XNDC1N: variants seen among roughly 807,000 people sequenced by gnomAD.
XNDC1N encodes the protein protein XNDC1N.
the XNDC1N span, among the ~76,000 whole-genome samples, chr11:71,908,050 A>G: frequency 6.6e-6 from 1 of 150,986 alleles, no homozygotes; most frequent in Admixed American, 6.6e-5. Context: ...ACTGCGATAT[A>G]GAACGTAATA....
the XNDC1N span, among the ~76,000 whole-genome samples, chr11:71,905,720 C>A: frequency 6.6e-6 from 1 of 151,806 alleles, no homozygotes; most frequent in Non-Finnish European, 1.5e-5. Context: ...ACAGGGTGTA[C>A]CCTCTGTGGG....
chr11:71,919,973 A>G, the XNDC1N span, among the ~76,000 whole-genome samples: 6 of 26,912 alleles, frequency 2.2e-4, no homozygotes, highest in Non-Finnish European at 3.3e-4. Flanking sequence ...TTTTTTTGAG[A>G]CAGAGTCTCG....
chr11:71,918,812 G>T, the XNDC1N span: 1 of 681,600 alleles, frequency 1.5e-6, no homozygotes, highest in East Asian at 2.7e-5. Flanking sequence ...ACTGAGACAT[G>T]TTAGTGGAGT....
At chr11:71,891,174 T>C in the XNDC1N span, among the ~76,000 whole-genome samples, 1 of 151,948 alleles carries the variant, frequency 6.6e-6, no homozygotes, top group African/African-American at 2.4e-5. Context: ...TCATACTCTT[T>C]CACTCTGGAT....
the XNDC1N span, among the ~76,000 whole-genome samples, chr11:71,885,236 T>G: frequency 1.3e-5 from 2 of 151,936 alleles, no homozygotes; most frequent in South Asian, 4.1e-4. Context: ...TCTCCCAAGT[T>G]GCAATTAGAA....
chr11:71,924,946 G>A, the XNDC1N span, among the ~76,000 whole-genome samples: 3 of 151,992 alleles, frequency 2.0e-5, no homozygotes, highest in East Asian at 3.9e-4. Context: ...ATATGAGTCC[G>A]TGACTCTTGA....
the XNDC1N span, chr11:71,916,219 C>T: frequency 1.4e-6 from 1 of 702,718 alleles, no homozygotes; most frequent in Non-Finnish European, 2.6e-6. Context: ...AAGTCGATCC[C>T]ATAACTCTCC....
At chr11:71,923,553 CTGTTT>C in the XNDC1N span, 2 of 508,118 alleles carry the variant, frequency 3.9e-6, no homozygotes. Context: ...CAGTTCATTT[CTGTTT>C]TGTTTTTTTT....
the XNDC1N span, chr11:71,915,965 G>A: frequency 1.6e-6 from 1 of 619,864 alleles, no homozygotes; most frequent in Non-Finnish European, 2.9e-6. Flanking sequence ...TTGTGTGTGT[G>A]TGTGTGTACG....
At chr11:71,915,712 C>G in the XNDC1N span, among the ~76,000 whole-genome samples, 2 of 46,878 alleles carry the variant, frequency 4.3e-5, no homozygotes, top group Non-Finnish European at 2.6e-4. Context: ...AGCTTTGGGA[C>G]TTACAGTGAG....
the XNDC1N span, among the ~76,000 whole-genome samples, chr11:71,873,813 GT>G: frequency 6.6e-6 from 1 of 152,230 alleles, no homozygotes; most frequent in East Asian, 1.9e-4. Flanking sequence ...ATTCTATGTA[GT>G]TTTTTTAAAA....
chr11:71,883,887 G>T, the XNDC1N span, among the ~76,000 whole-genome samples: 1 of 152,100 alleles, frequency 6.6e-6, no homozygotes, highest in Non-Finnish European at 1.5e-5. Flanking sequence ...TCTCAATTAA[G>T]GATTCTTTTT....
the XNDC1N span, among the ~76,000 whole-genome samples, chr11:71,878,869 G>A: frequency 0.025 from 3,862 of 152,096 alleles, 58 homozygotes; most frequent in East Asian, 0.078. Flanking sequence ...GTATAGTGGC[G>A]CGTGCCTGTG....
At chr11:71,908,283 G>A in the XNDC1N span, among the ~76,000 whole-genome samples, 1 of 151,592 alleles carries the variant, frequency 6.6e-6, no homozygotes, top group African/African-American at 2.4e-5. Flanking sequence ...GTTTTCTAAT[G>A]AATAAGATCA....
chr11:71,920,356 G>A, the XNDC1N span, among the ~76,000 whole-genome samples: 31 of 151,300 alleles, frequency 2.0e-4, no homozygotes, highest in South Asian at 8.4e-4. Context: ...TGCCTAGGCT[G>A]GAGTGCAATG....
At chr11:71,923,353 TG>T in the XNDC1N span, 1 of 702,944 alleles carries the variant, frequency 1.4e-6, no homozygotes, top group Non-Finnish European at 2.6e-6. Context: ...ACAGGAGCCA[TG>T]GTGGGCCCAG....
At chr11:71,884,652 T>G in the XNDC1N span, 1 of 1,459,558 alleles carries the variant, frequency 6.9e-7, no homozygotes. Context: ...AGATGAAAAT[T>G]ATTATAATTG....
chr11:71,883,959 A>G, the XNDC1N span, among the ~76,000 whole-genome samples: 1 of 152,118 alleles, frequency 6.6e-6, no homozygotes, highest in East Asian at 1.9e-4. Context: ...CCACCACCAT[A>G]TCTCTTCACA....
chr11:71,899,421 G>C, the XNDC1N span, among the ~76,000 whole-genome samples: 1 of 152,112 alleles, frequency 6.6e-6, no homozygotes, highest in Admixed American at 6.5e-5. Flanking sequence ...AGAAAGGAAA[G>C]ACATAAAAGA....
Sources: gnomAD v4.1 joint callset for allele counts (sites outside exome capture counted in the v4.1 genomes callset) on GRCh38, gnomAD v4.1.1 for gene constraint, MANE v1.5 for transcripts, NCBI Gene and HGNC (gene_info 2026-07-23, HGNC 2026-07-21) for gene names.